Variants in FMNL1 observed in about 807,000 individuals in gnomAD.
The protein encoded by FMNL1 is formin like 1, also known as formin-like protein 1.
Under a neutral mutation model 121.3 loss-of-function variants are expected in FMNL1, and 43 were observed. The observed-to-expected ratio is 0.35, with a 90% CI of 0.28 to 0.46. The LOEUF (loss-of-function observed/expected upper bound fraction) is 0.46. FMNL1 is among the 20% of genes least tolerant of loss of function. The pLI is 1.00. For missense variants in FMNL1, 1,191 were observed against 1,482.4 expected, an observed-to-expected ratio of 0.80 and a Z score of 3.23; for synonymous variants, 613 against 613.5, an observed-to-expected ratio of 1.00 and a Z score of 0.01.
rs9908905 is a variant in FMNL1 at position 45,231,711 on chromosome 17, A to G, written c.214-656A>G. Among the ~76,000 whole-genome samples, 47,693 of 151,902 alleles carry G rather than the reference A, an allele frequency of 0.31. 9,549 individuals are homozygous for G. The highest frequency in any genetic ancestry group is 0.57 in the African/African-American group (23,521 of 41,380). On this transcript the variant is annotated intron_variant, in intron 2 of 26. Coordinates refer to ENST00000331495, the MANE Select transcript of FMNL1 (RefSeq NM_005892.4). The surrounding 1 kb of genome is among the most constrained non-coding windows in gnomAD (Gnocchi z 4.7). ...GGGTGGGGGGATTAGGAATTGCATCACTGAGCACAGGAGAGGAGCACGCAG... is the reference window on the plus strand; with the variant it reads ...GGGTGGGGGGATTAGGAATTGCATCGCTGAGCACAGGAGAGGAGCACGCAG...
chr17:45,239,157 C>T (rs1450068337), intron 11 of FMNL1, 92 bp downstream of exon 11: 2 of 1,011,186 alleles, frequency 2.0e-6, no homozygotes, highest in Non-Finnish European at 3.1e-6. Context: ...GTCAGGTAGA[C>T]CTGGGTTTAA....
rs996319827 is a variant in FMNL1 at position 45,247,261 on chromosome 17, C to T, written c.*403C>T. 8.9e-6 allele frequency: 4 copies of T among 451,130 alleles called. No individual in the cohort carries two copies. In the Admixed American group the frequency reaches 1.1e-4, roughly 12 times the overall value. The allele number at this position is 451,130 out of a possible 1,614,324, so 27.9% of individuals were successfully genotyped here. The stretch of plus-strand genomic sequence containing the variant: ...GCACCTCGCCCCCGCAAGCCCCAGC[C>T]CCGAGGACCGTCCATGGACCTTATT... On this transcript the variant is annotated 3_prime_UTR_variant, in exon 27 of 27. Transcript: ENST00000331495.
chr17:45,239,663 C>CG lies in FMNL1; in HGVS notation c.1080+605dup, dbSNP rs979578073. On this transcript the variant is annotated intron_variant, in intron 11 of 26. Coordinates refer to ENST00000331495, the MANE Select transcript of FMNL1 (RefSeq NM_005892.4). ...TAACAAAAGGTAGAGAGCAGGCTGGCGGGGGGGTCTATCTGTGCAATGGAG... is the reference window on the plus strand; with the variant it reads ...TAACAAAAGGTAGAGAGCAGGCTGGCGGGGGGGGTCTATCTGTGCAATGGAG... 1.8e-4 allele frequency among the ~76,000 whole-genome samples: 27 copies of CG among 151,928 alleles called. 1 individual carries two copies. Among genetic ancestry groups the CG allele is most frequent in the Middle Eastern group, 3.4e-3 (1 of 294 alleles).
At position 45,222,272 on chromosome 17, in the gene FMNL1, C is replaced by G. The variant is rs2043241738; in HGVS notation, c.129+19C>G. On this transcript the variant is annotated intron_variant, in intron 1 of 26. Coordinates refer to ENST00000331495, the MANE Select transcript of FMNL1 (RefSeq NM_005892.4). ...CGCCCTGGTGAGTGCGACCCGGAGGCGGGTCGGGCGCGGGCGGGGGGCGGC... is the reference window on the plus strand; with the variant it reads ...CGCCCTGGTGAGTGCGACCCGGAGGGGGGTCGGGCGCGGGCGGGGGGCGGC... 2.6e-6 allele frequency: 3 copies of G among 1,168,166 alleles called. No individual in the cohort carries two copies. Among genetic ancestry groups the G allele is most frequent in the Non-Finnish European group, 3.2e-6 (3 of 945,796 alleles). 72.4% of individuals were successfully genotyped at this position (1,168,166 alleles called of 1,614,324 possible).
intron 22 of FMNL1, 106 bp downstream of exon 22, chr17:45,245,522 G>A (rs763580251): frequency 1.9e-6 from 3 of 1,603,210 alleles, no homozygotes; most frequent in East Asian, 2.2e-5. Flanking sequence ...GGATGCAGCA[G>A]GAATGAGGGG....
chr17:45,239,109 C>G (rs1330586365), intron 11 of FMNL1, 44 bp downstream of exon 11: 1 of 1,501,664 alleles, frequency 6.7e-7, no homozygotes, highest in Non-Finnish European at 9.3e-7. Context: ...CTGCCCACGG[C>G]AGAGTATGGC....
chr17:45,241,719 G>T lies in FMNL1; in HGVS notation c.1585+85G>T. 2 of 1,436,928 alleles carry T rather than the reference G, an allele frequency of 1.4e-6. No individual in the cohort carries two copies. The highest frequency in any genetic ancestry group is 2.5e-5 in the East Asian group (1 of 40,136). The allele number at this position is 1,436,928 out of a possible 1,614,324, so 89.0% of individuals were successfully genotyped here. A position where few individuals can be genotyped will look rare whatever the true frequency, so the allele number is the denominator to read the frequency against. ...GCATCTGTGGCGGGCAGAGTTGGGC[G>T]AGGGAGGTTTGGATTGTAGGCTCGG... On this transcript the variant is annotated intron_variant, in intron 14 of 26. Coordinates refer to ENST00000331495, the MANE Select transcript of FMNL1 (RefSeq NM_005892.4). This position sits in a 1 kb window ranked among gnomAD's most constrained non-coding sequence, Gnocchi z 7.0.
chr17:45,222,397 G>A (rs2043245966), intron 1 of FMNL1, 144 bp downstream of exon 1: 2 of 639,300 alleles, frequency 3.1e-6, no homozygotes, highest in East Asian at 6.0e-5. Flanking sequence ...GGAGGTGGGA[G>A]CGACAGTGGC....
chr17:45,238,800 G>A (rs1728429864), intron 10 of FMNL1, 155 bp from the exon 11 acceptor site: 1 of 1,094,718 alleles, frequency 9.1e-7, no homozygotes, highest in Non-Finnish European at 1.3e-6. Flanking sequence ...GCTGGATTGA[G>A]GGAACATGGA....
rs377725425 is a variant in FMNL1, at chr17:45,245,327, C to T, written c.2803C>T (p.Arg935Trp). Residue 935 changes from arginine to tryptophan, a missense_variant, in exon 22 of 27, where the codon CGG becomes TGG. This residue lies in a region of FMNL1 where 367 missense variants were observed against 528.6 expected (regional missense o/e 0.69). Coordinates refer to ENST00000331495, the MANE Select transcript of FMNL1 (RefSeq NM_005892.4). ...GLELTQREFV[R>W]QDDCMVLKEF... ...AGAGTTGACACAGAGAGAGTTTGTG[C>T]GGCAGGATGACTGCATGGTGCTCAA... The T allele has an allele frequency of 5.0e-5, 81 of 1,614,160 alleles. No individual in the cohort carries two copies. Among genetic ancestry groups the T allele is most frequent in the Non-Finnish European group, 6.1e-5 (72 of 1,180,020 alleles).
rs2043663133 is a variant in FMNL1, at chr17:45,240,487, C to T, written c.1092C>T (p.Leu364=). ...CATCTGGGGGACAGAGGCTTCGGCT[C>T]ACCGAGAGTGACAAGCTGCAGGTGC... ...GLDLYLERLR[L]TESDKLQVQI... is the part of the protein sequence containing the mutation. Residue 364 remains leucine (L), a synonymous_variant, in exon 12 of 27, where the codon CTC becomes CTT. Transcript: ENST00000331495. 1 of 1,612,524 alleles carries T rather than the reference C, an allele frequency of 6.2e-7. No individual in the cohort carries two copies. Among genetic ancestry groups the T allele is most frequent in the Non-Finnish European group, 8.5e-7 (1 of 1,179,122 alleles).
rs1800721 is a variant in FMNL1, at chr17:45,246,206, C to T, written c.3091-4C>T. 14,183 of 1,604,436 alleles carry T rather than the reference C, an allele frequency of 8.8e-3. 86 individuals are homozygous for T. Among genetic ancestry groups the T allele is most frequent in the Non-Finnish European group, 0.011 (12,705 of 1,172,894 alleles). The stretch of plus-strand genomic sequence containing the variant: ...CTGGAGCTGGAGCTATAAATTCCCC[C>T]TAGTCACCGCCAAAGGCCCGGCGGC... On this transcript the variant is annotated splice_region_variant and splice_polypyrimidine_tract_variant and intron_variant, in intron 24 of 26. Transcript: ENST00000331495.
rs1490891565 is a variant in FMNL1 at position 45,233,757 on chromosome 17, T to C, written c.485+26T>C. ...GTAAGCCCCCTGCTCCCAGCCCTCA[T>C]GCCGCTCCTCAGAGCTTTGATCCCC... On this transcript the variant is annotated intron_variant, in intron 5 of 26. Transcript: ENST00000331495. This position sits in a 1 kb window ranked among gnomAD's most constrained non-coding sequence, Gnocchi z 4.1. The C allele has an allele frequency of 4.3e-6, 7 of 1,612,964 alleles. No individual in the cohort carries two copies. Among genetic ancestry groups the C allele is most frequent in the Non-Finnish European group, 5.9e-6 (7 of 1,179,632 alleles).
At chr17:45,244,290 T>C in intron 19 of FMNL1, 46 bp downstream of exon 19, 1 of 1,577,358 alleles carries the variant, frequency 6.3e-7, no homozygotes, top group Non-Finnish European at 8.6e-7. Context: ...TTCTGGATAG[T>C]GTGAGAGGGA....
intron 15 of FMNL1, 67 bp from the exon 16 acceptor site, chr17:45,242,274 C>T (rs1389928412): frequency 6.3e-7 from 1 of 1,592,800 alleles, no homozygotes; most frequent in Non-Finnish European, 8.6e-7. Flanking sequence ...CATCAGCCCT[C>T]CCTGGGCCCA....
Position 45,237,421 on chromosome 17 carries a change from A to G in FMNL1, c.800+64A>G. 7.5e-6 allele frequency: 12 copies of G among 1,610,054 alleles called. No individual in the cohort carries two copies. Among genetic ancestry groups the G allele is most frequent in the Non-Finnish European group, 9.4e-6 (11 of 1,176,460 alleles). On this transcript the variant is annotated intron_variant, in intron 8 of 26. Coordinates refer to ENST00000331495, the MANE Select transcript of FMNL1 (RefSeq NM_005892.4). The surrounding 1 kb of genome is among the most constrained non-coding windows in gnomAD (Gnocchi z 4.4). Reference sequence around the variant, plus strand: ...TCTTCTCCTACTTAGCCCCTTGCTTACTCTGTCCTCCAGGTCTCAGAGGCT... The same window carrying G: ...TCTTCTCCTACTTAGCCCCTTGCTTGCTCTGTCCTCCAGGTCTCAGAGGCT...
In FMNL1 at chr17:45,242,474, C is replaced by T; in HGVS notation, c.2010+9C>T. 1 of 1,611,822 alleles carries T rather than the reference C, an allele frequency of 6.2e-7. No homozygotes were observed. Among genetic ancestry groups the T allele is most frequent in the Non-Finnish European group, 8.5e-7 (1 of 1,178,286 alleles). ...ATGAGAAGGTGCTGCAGGTGAGTGG[C>T]CCTGCCTGGCTCCCCATGTGGGCAC... On this transcript the variant is annotated intron_variant, in intron 16 of 26. Transcript: ENST00000331495.
chr17:45,241,549 C>A lies in FMNL1; in HGVS notation c.1500C>A (p.Ser500=). Residue 500 remains serine (S), a synonymous_variant, in exon 14 of 27, where the codon TCC becomes TCA. Transcript: ENST00000331495. This position sits in a 1 kb window ranked among gnomAD's most constrained non-coding sequence, Gnocchi z 7.0. The stretch of plus-strand genomic sequence containing the variant: ...TGCGGGGGCCGGGGGATGCTGTCTC[C>A]ATCGAGATCCTCCCCGTCGCTGTGG... ...RILRGPGDAV[S]IEILPVAVAT... The A allele has an allele frequency of 6.4e-7, 1 of 1,572,852 alleles. No individual in the cohort carries two copies. The highest frequency in any genetic ancestry group is 2.3e-5 in the East Asian group (1 of 43,238).
chr17:45,232,683 T>A (rs1412410906), intron 3 of FMNL1, among the ~76,000 whole-genome samples: 1 of 152,144 alleles, frequency 6.6e-6, no homozygotes, highest in Non-Finnish European at 1.5e-5. Flanking sequence ...GTACATCCTG[T>A]GTGTGCTTAC....
Sources: gnomAD v4.1 joint callset for allele counts (sites outside exome capture counted in the v4.1 genomes callset) on GRCh38, gnomAD v4.1.1 for gene constraint, gnomAD v4.1.1 regional missense constraint, Gnocchi (gnomAD v3.1) non-coding constraint, MANE v1.5 for transcripts, NCBI Gene and HGNC (gene_info 2026-07-23, HGNC 2026-07-21) for gene names.